Variants in PTCD2 observed in about 807,000 individuals in gnomAD.
PTCD2 encodes the protein pentatricopeptide repeat domain 2, also known as pentatricopeptide repeat-containing protein 2, mitochondrial.
In PTCD2, 31 loss-of-function variants were observed where a neutral mutation model predicts 42.6. The ratio of observed to expected loss-of-function variants is 0.73; its 90% CI spans 0.55 to 0.98. The LOEUF (loss-of-function observed/expected upper bound fraction) is 0.98. Among genes scored for constraint, PTCD2 ranks in the 50% least tolerant of loss-of-function variants. The pLI, the probability that PTCD2 is intolerant of heterozygous loss-of-function variation, is 0.00. For missense variants in PTCD2, 476 were observed against 454.8 expected (o/e 1.05, Z -0.42); for synonymous variants, 183 against 170.9 (o/e 1.07, Z -0.55).
Position 72,338,658 on chromosome 5 carries a change from A to G in PTCD2, c.676A>G (p.Arg226Gly). 6.2e-7 allele frequency: 1 copy of G among 1,611,972 alleles called. No homozygotes were observed. ...PESFKICTTL[R>G]EEALLKGEIL... ...GTCTTTCAAAATCTGTACTACATTAAGAGAAGAAGCTCTACTCAAAGGAGA... is the reference window on the plus strand; with the variant it reads ...GTCTTTCAAAATCTGTACTACATTAGGAGAAGAAGCTCTACTCAAAGGAGA... Residue 226 changes from arginine (R) to glycine (G), a missense_variant, in exon 7 of 10, where the codon AGA becomes GGA. Coordinates refer to ENST00000380639, the MANE Select transcript of PTCD2 (RefSeq NM_024754.5).
chr5:72,336,952 C>A (rs1164662065), intron 6 of PTCD2, among the ~76,000 whole-genome samples: 1 of 152,040 alleles, frequency 6.6e-6, no homozygotes, highest in African/African-American at 2.4e-5. Flanking sequence ...TTGAAAAACT[C>A]CCCTGAAGAA....
In PTCD2 at chr5:72,366,356, G is replaced by T. The variant is rs1196758451; in HGVS notation, c.*7929G>T. 1 of 152,214 alleles carries T rather than the reference G, an allele frequency of 6.6e-6. No individual in the cohort carries two copies. The allele number at this position is 152,214 out of a possible 1,614,324, so 9.4% of individuals were successfully genotyped here. The stretch of plus-strand genomic sequence containing the variant: ...AGAAACTGAAGCTCAGAGACGTTTA[G>T]TTGCTTGCCTGTGGATATAACACTA... On this transcript the variant is annotated 3_prime_UTR_variant, in exon 10 of 10. Coordinates refer to ENST00000380639, the MANE Select transcript of PTCD2 (RefSeq NM_024754.5).
In PTCD2 at chr5:72,367,179, C is replaced by T. The variant is rs1753224601; in HGVS notation, c.*8752C>T. 6.6e-6 allele frequency: 1 copy of T among 152,190 alleles called. No individual in the cohort carries two copies. Among genetic ancestry groups the T allele is most frequent in the Non-Finnish European group, 1.5e-5 (1 of 68,040 alleles). 9.4% of individuals were successfully genotyped at this position (152,190 alleles called of 1,614,324 possible). ...AATGTTGGATTCCCGGTGTATTTAT[C>T]ACTGCCCATCTCTAAGAATAGGTCA... On this transcript the variant is annotated 3_prime_UTR_variant, in exon 10 of 10. Coordinates refer to ENST00000380639, the MANE Select transcript of PTCD2 (RefSeq NM_024754.5).
chr5:72,320,679 G>T, intron 1 of PTCD2, 170 bp downstream of exon 1: 1 of 812,896 alleles, frequency 1.2e-6, no homozygotes. Context: ...ACTGGGGGTC[G>T]TGGATACCCC....
At chr5:72,334,287 C>T (rs558303765) in intron 4 of PTCD2, among the ~76,000 whole-genome samples, 31 of 152,240 alleles carry the variant, frequency 2.0e-4, no homozygotes, top group Admixed American at 9.2e-4. Context: ...CTGTATTATC[C>T]GTTGCCAAAA....
In PTCD2 at chr5:72,347,923, C is replaced by T. The variant is rs139667004; in HGVS notation, c.829-4718C>T. ...CAGCCTATGGATGCAGTGGAATGGG[C>T]GTGTTTCAGGCAAGGACTCCATAAG... On this transcript the variant is annotated intron_variant, in intron 8 of 9. Coordinates refer to ENST00000380639, the MANE Select transcript of PTCD2 (RefSeq NM_024754.5). 3.3e-5 allele frequency among the ~76,000 whole-genome samples: 5 copies of T among 152,182 alleles called. No homozygotes were observed. In the East Asian group the frequency reaches 7.7e-4, roughly 24 times the overall value.
chr5:72,334,861 A>C (rs1231522664), intron 4 of PTCD2, among the ~76,000 whole-genome samples, 157 bp from the exon 5 acceptor site: 1 of 152,212 alleles, frequency 6.6e-6, no homozygotes, highest in Non-Finnish European at 1.5e-5. Flanking sequence ...CTTTTCAAAA[A>C]TAAAACCTGG....
At chr5:72,321,457 C>G (rs147422018) in intron 1 of PTCD2, 1 of 152,358 alleles carries the variant, frequency 6.6e-6, no homozygotes, top group Middle Eastern at 3.4e-3. Context: ...CTGCTCCTAA[C>G]CACTTCACTG....
rs1335581033 is a variant in PTCD2 at position 72,320,720 on chromosome 5, T to C, written c.127+211T>C. ...CCTGCAAATCGAAGGACTGCTGGGG[T>C]ATTGACCTTGGGGCTGTAGTGCTCC... On this transcript the variant is annotated intron_variant, in intron 1 of 9. Coordinates refer to ENST00000380639, the MANE Select transcript of PTCD2 (RefSeq NM_024754.5). The C allele has an allele frequency of 6.4e-6, 4 of 628,466 alleles. No homozygotes were observed. The Admixed American group carries it at 8.8e-5, about 14-fold the overall frequency. The allele number at this position is 628,466 out of a possible 1,614,324, so 38.9% of individuals were successfully genotyped here.
At chr5:72,350,838 TG>T (rs1242807449) in intron 8 of PTCD2, among the ~76,000 whole-genome samples, 1 of 152,248 alleles carries the variant, frequency 6.6e-6, no homozygotes, top group Non-Finnish European at 1.5e-5. Context: ...AAACTATCTT[TG>T]TAAGGATCAA....
chr5:72,351,015 C>CT (rs1561395455), intron 8 of PTCD2, among the ~76,000 whole-genome samples: 1 of 152,074 alleles, frequency 6.6e-6, no homozygotes, highest in African/African-American at 2.4e-5. Flanking sequence ...AATGAGGTTT[C>CT]TTTTTTCTAA....
chr5:72,321,312 T>A (rs1268988454), intron 1 of PTCD2: 1 of 152,228 alleles, frequency 6.6e-6, no homozygotes, highest in Non-Finnish European at 1.5e-5. Context: ...ATTAATTCCT[T>A]TTCTCTAGAC....
In PTCD2 at chr5:72,320,426, G is replaced by C. The variant is rs779097642; in HGVS notation, c.44G>C (p.Arg15Pro). 1.9e-6 allele frequency: 3 copies of C among 1,614,196 alleles called. No individual in the cohort carries two copies. The highest frequency in any genetic ancestry group is 1.6e-4 in the Middle Eastern group (1 of 6,062). The change falls in exon 1 of 10, where the codon CGA becomes CCA. Residue 15 changes from arginine to proline, a missense_variant. Transcript: ENST00000380639. Reference protein sequence around the residue: ...SMAAAFRPSNRVLLQALQILV... With the variant: ...SMAAAFRPSNPVLLQALQILV... ...GCTGCTGCATTTCGGCCCTCGAATC[G>C]AGTTCTCCTGCAGGCGCTGCAGATT...
At chr5:72,351,711 C>T (rs1452734204) in intron 8 of PTCD2, among the ~76,000 whole-genome samples, 1 of 152,166 alleles carries the variant, frequency 6.6e-6, no homozygotes, top group African/African-American at 2.4e-5. Flanking sequence ...AACACACTGA[C>T]TATCATGAGA....
At chr5:72,328,395 C>T (rs916119898) in intron 3 of PTCD2, among the ~76,000 whole-genome samples, 7 of 152,248 alleles carry the variant, frequency 4.6e-5, no homozygotes, top group African/African-American at 1.7e-4. Flanking sequence ...CACTGGCCCA[C>T]AGCCCAGATG....
Position 72,359,902 on chromosome 5 carries a change from C to T in PTCD2, c.*1475C>T, listed in dbSNP as rs1303843602. The T allele has an allele frequency of 6.6e-6, 1 of 151,986 alleles. No homozygotes were observed. The highest frequency in any genetic ancestry group is 1.5e-5 in the Non-Finnish European group (1 of 68,024). 9.4% of individuals were successfully genotyped at this position (151,986 alleles called of 1,614,324 possible). On this transcript the variant is annotated 3_prime_UTR_variant, in exon 10 of 10. Coordinates refer to ENST00000380639, the MANE Select transcript of PTCD2 (RefSeq NM_024754.5). ...TAAGGGCCCCCATTACTGTGTGGCC[C>T]TGGGCATCCTCAGTTTCCTCATTTG...
At chr5:72,334,184 T>C (rs1383163413) in intron 4 of PTCD2, among the ~76,000 whole-genome samples, 1 of 152,128 alleles carries the variant, frequency 6.6e-6, no homozygotes, top group Non-Finnish European at 1.5e-5. Flanking sequence ...ACAATTTTTA[T>C]TTGTCAATTA....
intron 8 of PTCD2, among the ~76,000 whole-genome samples, chr5:72,351,736 A>T (rs1752631010): frequency 6.6e-6 from 1 of 152,082 alleles, no homozygotes; most frequent in African/African-American, 2.4e-5. Context: ...CATGGGGGAA[A>T]CTGCCCCCAT....
intron 8 of PTCD2, among the ~76,000 whole-genome samples, chr5:72,348,265 G>C (rs1433875468): frequency 6.6e-6 from 1 of 152,160 alleles, no homozygotes; most frequent in Admixed American, 6.5e-5. Context: ...AATCCTTAAA[G>C]GCAGCTTATT....
Sources: allele counts gnomAD v4.1 joint callset (sites outside exome capture counted in the v4.1 genomes callset), GRCh38; gene constraint gnomAD v4.1.1; transcripts MANE v1.5; gene names NCBI Gene and HGNC (gene_info 2026-07-23, HGNC 2026-07-21).